Variants in SLC39A10 observed in about 807,000 individuals in gnomAD.
SLC39A10 encodes solute carrier family 39 member 10.
A neutral mutation model predicts 65.1 loss-of-function variants in SLC39A10; 13 were observed. The observed-to-expected ratio is 0.20, with a 90% confidence interval of 0.13 to 0.32. The LOEUF (loss-of-function observed/expected upper bound fraction) is 0.32, where lower values mean the gene tolerates loss of function less well. SLC39A10 is among the 10% of genes least tolerant of loss of function. The probability of loss-of-function intolerance (pLI) is 1.00; values close to 1 mark genes in which losing one functional copy is unlikely to be tolerated. For synonymous variants in SLC39A10, 321 were observed against 342.2 expected (o/e 0.94, Z 0.68); for missense variants, 831 against 1,018.4 (o/e 0.82, Z 2.50).
chr2:195,701,654 G>T (rs1457197070), intron 3 of SLC39A10, among the ~76,000 whole-genome samples: 1 of 150,914 alleles, frequency 6.6e-6, no homozygotes, highest in Non-Finnish European at 1.5e-5. Flanking sequence ...GTCTCTGTGG[G>T]ATAAACATAA....
chr2:195,622,865 C>T (rs1688378967), intron 2 of SLC39A10, among the ~76,000 whole-genome samples: 1 of 149,628 alleles, frequency 6.7e-6, no homozygotes, highest in South Asian at 2.1e-4. Context: ...CCCAGCTACT[C>T]AGGAGGCTGA....
intron 2 of SLC39A10, among the ~76,000 whole-genome samples, chr2:195,682,086 T>TA (rs1373648184): frequency 6.6e-6 from 1 of 152,218 alleles, no homozygotes; most frequent in Non-Finnish European, 1.5e-5. Context: ...CTTGGGTACT[T>TA]ACACATTTGG....
chr2:195,708,839 C>G lies in SLC39A10; in HGVS notation c.1570C>G (p.Gln524Glu), dbSNP rs1186166420. 1 of 1,591,124 alleles carries G rather than the reference C, an allele frequency of 6.3e-7. No individual in the cohort carries two copies. Among genetic ancestry groups the G allele is most frequent in the Non-Finnish European group, 8.5e-7 (1 of 1,171,458 alleles). Reference sequence around the variant, plus strand: ...TAGAATGTTTAAGCACTACAAACAACAAAGAGTAAGTATTTTTTATTTATT... The same window carrying G: ...TAGAATGTTTAAGCACTACAAACAAGAAAGAGTAAGTATTTTTTATTTATT... ...CIRMFKHYKQ[Q>E]RGKQKWFMKQ... Residue 524 changes from glutamine to glutamate, a missense_variant, in exon 5 of 10, where the codon CAA becomes GAA. By Grantham distance (29) the Gln-to-Glu change is conservative. Around this residue, in one of 4 missense-constraint regions of SLC39A10, gnomAD observed 230 missense variants for 242.9 expected, o/e 0.95. Transcript: ENST00000359634.
At chr2:195,639,946 A>G (rs1329302282) in intron 2 of SLC39A10, among the ~76,000 whole-genome samples, 2 of 105,984 alleles carry the variant, frequency 1.9e-5, no homozygotes, top group Non-Finnish European at 4.1e-5. Context: ...TGCCATTGTT[A>G]ATTAATTAAT....
At chr2:195,705,834 ATGTCTTACC>A (rs1691381120) in intron 3 of SLC39A10, among the ~76,000 whole-genome samples, 1 of 152,176 alleles carries the variant, frequency 6.6e-6, no homozygotes, top group African/African-American at 2.4e-5. Context: ...TATATTTCTG[ATGTCTTACC>A]TGTTTGTGAA....
At chr2:195,681,686 T>G (rs1690331543) in intron 2 of SLC39A10, among the ~76,000 whole-genome samples, 1 of 152,194 alleles carries the variant, frequency 6.6e-6, no homozygotes, top group Non-Finnish European at 1.5e-5. Flanking sequence ...TGTTAGAAAA[T>G]GTATTCCTTA....
chr2:195,656,035 C>T (rs998336335), upstream of SLC39A10, among the ~76,000 whole-genome samples: 1 of 152,132 alleles, frequency 6.6e-6, no homozygotes, highest in Admixed American at 6.6e-5. Context: ...TCCTACCTCA[C>T]CGTGTTATGG....
At chr2:195,632,261 A>G (rs1688599670) in intron 2 of SLC39A10, among the ~76,000 whole-genome samples, 1 of 148,030 alleles carries the variant, frequency 6.8e-6, no homozygotes, top group South Asian at 2.1e-4. Context: ...AATGTCAAAT[A>G]CAAAGGTCAC....
At chr2:195,669,286 T>C (rs1689756764) in intron 1 of SLC39A10, among the ~76,000 whole-genome samples, 1 of 152,188 alleles carries the variant, frequency 6.6e-6, no homozygotes, top group African/African-American at 2.4e-5. Flanking sequence ...TGTAGTATAT[T>C]TTAGATGACT....
chr2:195,618,381 G>A (rs1159356917), intron 2 of SLC39A10, among the ~76,000 whole-genome samples: 1 of 149,396 alleles, frequency 6.7e-6, no homozygotes, highest in Admixed American at 6.7e-5. Flanking sequence ...GAGAGAAAAA[G>A]TTAACTGACA....
Position 195,706,700 on chromosome 2 carries a change from G to C in SLC39A10, c.1301G>C (p.Gly434Ala), listed in dbSNP as rs1409283778. The C allele has an allele frequency of 6.2e-7, 1 of 1,606,668 alleles. No homozygotes were observed. The highest frequency in any genetic ancestry group is 1.7e-5 in the Admixed American group (1 of 58,988). Reference sequence around the variant, plus strand: ...ATCTTGGTTCCTATCATTAACCAAGGATGCTTCAAATTCCTTCTTACATTC... The same window carrying C: ...ATCTTGGTTCCTATCATTAACCAAGCATGCTTCAAATTCCTTCTTACATTC... ...GVILVPIINQGCFKFLLTFLV... is the reference protein window; with the variant it reads ...GVILVPIINQACFKFLLTFLV... The change falls in exon 4 of 10, where the codon GGA (glycine) becomes GCA (alanine). Residue 434 changes from glycine to alanine, a missense_variant. Around this residue, in one of 4 missense-constraint regions of SLC39A10, gnomAD observed 35 missense variants for 72.4 expected, o/e 0.48. Transcript: ENST00000359634.
chr2:195,642,050 G>T (rs964527940), intron 2 of SLC39A10, among the ~76,000 whole-genome samples: 1 of 152,146 alleles, frequency 6.6e-6, no homozygotes. Context: ...TAATATGGGA[G>T]CAGATTAGGG....
intron 2 of SLC39A10, among the ~76,000 whole-genome samples, chr2:195,629,443 C>A (rs1688540300): frequency 6.6e-6 from 1 of 151,272 alleles, no homozygotes; most frequent in African/African-American, 2.4e-5. Context: ...CACCCCCACA[C>A]ACATCTTACA....
At chr2:195,658,293 T>C (rs1484187010) in intron 1 of SLC39A10, 7 of 152,180 alleles carry the variant, frequency 4.6e-5, no homozygotes, top group Admixed American at 3.9e-4. Flanking sequence ...TGGGCTGTAC[T>C]AAGGATCTGG....
intron 5 of SLC39A10, among the ~76,000 whole-genome samples, chr2:195,712,379 G>C (rs1691632843): frequency 6.6e-6 from 1 of 152,262 alleles, no homozygotes; most frequent in Non-Finnish European, 1.5e-5. Flanking sequence ...GGGTGGAGCA[G>C]AATGCTCATA....
At chr2:195,675,375 T>G (rs1690040730) in intron 1 of SLC39A10, among the ~76,000 whole-genome samples, 1 of 152,190 alleles carries the variant, frequency 6.6e-6, no homozygotes, top group Non-Finnish European at 1.5e-5. Flanking sequence ...TTTTACCCAC[T>G]TTGGTTGAGT....
chr2:195,643,387 G>C (rs897560464), intron 2 of SLC39A10, among the ~76,000 whole-genome samples: 4 of 152,170 alleles, frequency 2.6e-5, no homozygotes, highest in Non-Finnish European at 4.4e-5. Flanking sequence ...AGGGATGTGT[G>C]CCCTTCTTTC....
At chr2:195,676,258 T>C (rs7575029) in intron 1 of SLC39A10, among the ~76,000 whole-genome samples, 80,081 of 151,534 alleles carry the variant, frequency 0.53, 21,681 homozygotes, top group Non-Finnish European at 0.6. Flanking sequence ...GGCACAATCT[T>C]GGCTCACTGC....
At chr2:195,692,378 GA>G (rs1484216773) in intron 3 of SLC39A10, among the ~76,000 whole-genome samples, 1 of 151,960 alleles carries the variant, frequency 6.6e-6, no homozygotes, top group Non-Finnish European at 1.5e-5. Context: ...CTAGTTTTGT[GA>G]AGAATGATGA....
Sources: allele counts gnomAD v4.1 joint callset (sites outside exome capture counted in the v4.1 genomes callset), GRCh38; gene constraint gnomAD v4.1.1; regional missense constraint gnomAD v4.1.1; transcripts MANE v1.5; gene names NCBI Gene and HGNC (gene_info 2026-07-23, HGNC 2026-07-21).